PACRGL: variants seen among roughly 807,000 people sequenced by gnomAD.
The protein encoded by PACRGL is parkin coregulated like, also known as PACRG-like protein.
In PACRGL, 38 loss-of-function variants were observed where a neutral mutation model predicts 34.5. The ratio of observed to expected loss-of-function variants is 1.10; its 90% CI spans 0.85 to 1.44. The LOEUF (loss-of-function observed/expected upper bound fraction) is 1.44. PACRGL is among the 40% of genes most tolerant of loss of function. PACRGL has a pLI of 0.00. For missense variants in PACRGL, 305 were observed against 281.4 expected, an observed-to-expected ratio of 1.08 and a Z score of -0.60; for synonymous variants, 128 against 100.1, an observed-to-expected ratio of 1.28 and a Z score of -1.66.
chr4:20,752,974 C>T (rs1021661361), downstream of PACRGL: 6 of 152,154 alleles, frequency 3.9e-5, no homozygotes, highest in African/African-American at 1.2e-4. Context: ...CTCCCTTCTC[C>T]GTCTATGACC....
intron 1 of PACRGL, among the ~76,000 whole-genome samples, chr4:20,703,946 G>C (rs1733417673): frequency 6.6e-6 from 1 of 152,096 alleles, no homozygotes; most frequent in Non-Finnish European, 1.5e-5. Context: ...GTTAACAAGG[G>C]GTTCATAATA....
intron 8 of PACRGL, among the ~76,000 whole-genome samples, chr4:20,740,394 T>C (rs1410589578): frequency 6.6e-6 from 1 of 152,168 alleles, no homozygotes; most frequent in Non-Finnish European, 1.5e-5. Context: ...GCAGAAACTT[T>C]ACAAGCCAGA....
At chr4:20,699,907 G>A (rs997690740), upstream of PACRGL, among the ~76,000 whole-genome samples, 8 of 152,002 alleles carry the variant, frequency 5.3e-5, no homozygotes, top group African/African-American at 1.7e-4. Flanking sequence ...ATTTAAATGC[G>A]GATATACTGT....
chr4:20,742,653 A>T (rs1751412223), intron 8 of PACRGL, among the ~76,000 whole-genome samples: 1 of 152,168 alleles, frequency 6.6e-6, no homozygotes. Context: ...GAAAACTGGC[A>T]CAAGACAGGG....
intron 8 of PACRGL, among the ~76,000 whole-genome samples, chr4:20,741,449 C>A (rs1047501490): frequency 6.6e-6 from 1 of 152,190 alleles, no homozygotes; most frequent in Non-Finnish European, 1.5e-5. Flanking sequence ...GGAAACTGAA[C>A]AACCTGCTCC....
At chr4:20,705,975 A>G (rs1734299358) in intron 3 of PACRGL, among the ~76,000 whole-genome samples, 1 of 150,502 alleles carries the variant, frequency 6.6e-6, no homozygotes, top group Non-Finnish European at 1.5e-5. Flanking sequence ...TGAATTCACT[A>G]TTGTGATTTA....
intron 7 of PACRGL, among the ~76,000 whole-genome samples, chr4:20,715,541 A>G (rs1739497908): frequency 6.6e-6 from 1 of 152,100 alleles, no homozygotes; most frequent in African/African-American, 2.4e-5. Flanking sequence ...TTAAATGGAA[A>G]GCACCTACAT....
chr4:20,697,488 A>C (rs1036804128), upstream of PACRGL, among the ~76,000 whole-genome samples: 4 of 152,220 alleles, frequency 2.6e-5, no homozygotes, highest in Non-Finnish European at 5.9e-5. Flanking sequence ...AGGTTATATA[A>C]TATGGAGTAA....
chr4:20,758,852 T>C, the PACRGL span: 3 of 1,613,412 alleles, frequency 1.9e-6, no homozygotes, highest in Admixed American at 1.7e-5. Context: ...AGTAAATCTC[T>C]TTGAAGGTTT....
chr4:20,701,829 A>C (rs538710862), intron 1 of PACRGL: 1 of 456,626 alleles, frequency 2.2e-6, no homozygotes, highest in South Asian at 1.5e-5. Context: ...GGTTGGGTCA[A>C]ATCTATAGAT....
intron 1 of PACRGL, among the ~76,000 whole-genome samples, 167 bp downstream of exon 1, chr4:20,700,954 A>G (rs1289738263): frequency 6.6e-6 from 1 of 152,046 alleles, no homozygotes; most frequent in African/African-American, 2.4e-5. Flanking sequence ...ATAGATTCTA[A>G]GACCCCTAAG....
At chr4:20,745,974 C>T (rs1752331512) in intron 8 of PACRGL, among the ~76,000 whole-genome samples, 1 of 152,162 alleles carries the variant, frequency 6.6e-6, no homozygotes, top group Non-Finnish European at 1.5e-5. Flanking sequence ...TGTGGCGATT[C>T]CTCAAGGATC....
the PACRGL span, among the ~76,000 whole-genome samples, chr4:20,762,812 A>T: frequency 2.0e-5 from 3 of 152,324 alleles, no homozygotes; most frequent in Admixed American, 1.3e-4. Context: ...CCACACTGCT[A>T]TAAAGAACTG....
intron 8 of PACRGL, among the ~76,000 whole-genome samples, chr4:20,737,874 G>C (rs983244360): frequency 6.6e-6 from 1 of 152,216 alleles, no homozygotes; most frequent in African/African-American, 2.4e-5. Flanking sequence ...GCTCATGCCT[G>C]TAATCCCAGC....
intron 7 of PACRGL, among the ~76,000 whole-genome samples, chr4:20,721,057 C>T (rs183507385): frequency 1.3e-4 from 20 of 152,246 alleles, no homozygotes; most frequent in African/African-American, 3.6e-4. Flanking sequence ...CTTCACTTCT[C>T]GCTTCATTTC....
chr4:20,765,138 G>C, the PACRGL span, among the ~76,000 whole-genome samples: 2 of 152,146 alleles, frequency 1.3e-5, no homozygotes, highest in Non-Finnish European at 2.9e-5. Context: ...ACTATTCTGG[G>C]CACTGGAGAT....
chr4:20,715,990 C>A, intron 7 of PACRGL: 1 of 883,032 alleles, frequency 1.1e-6, no homozygotes, highest in Non-Finnish European at 1.7e-6. Context: ...TGTTACCAAA[C>A]ATGTTTAAGT....
At chr4:20,716,368 CT>C (rs1347173364) in intron 7 of PACRGL, 1 of 582,384 alleles carries the variant, frequency 1.7e-6, no homozygotes, top group East Asian at 2.8e-5. Flanking sequence ...TTTAATTATA[CT>C]TTAAGTTCTA....
intron 4 of PACRGL, among the ~76,000 whole-genome samples, chr4:20,709,468 A>G (rs1042529325): frequency 2.0e-5 from 3 of 152,224 alleles, no homozygotes; most frequent in Admixed American, 1.3e-4. Context: ...CCAAAACTGT[A>G]ACCTTAACAC....
Sources: allele counts gnomAD v4.1 joint callset (sites outside exome capture counted in the v4.1 genomes callset), GRCh38; gene constraint gnomAD v4.1.1; transcripts MANE v1.5; gene names NCBI Gene and HGNC (gene_info 2026-07-23, HGNC 2026-07-21).